CEP192: variants seen among roughly 807,000 people sequenced by gnomAD.
CEP192 encodes the protein centrosomal protein of 192 kDa.
In CEP192, 151 loss-of-function variants were observed where a neutral mutation model predicts 271.8. That is an observed-to-expected ratio of 0.56 (90% CI 0.49 to 0.64). The LOEUF (loss-of-function observed/expected upper bound fraction) is 0.64. Ranked by LOEUF, CEP192 falls within the 30% of genes least tolerant of loss-of-function variation. The probability of loss-of-function intolerance (pLI) is 0.00; values close to 1 mark genes in which losing one functional copy is unlikely to be tolerated. For missense variants in CEP192, 2,910 were observed against 3,020.5 expected (o/e 0.96, Z 0.86); for synonymous variants, 995 against 1,076.5 (o/e 0.92, Z 1.48).
At chr18:13,020,167 T>G (rs7237711) in intron 9 of CEP192, among the ~76,000 whole-genome samples, 56,225 of 152,018 alleles carry the variant, frequency 0.37, 10,618 homozygotes, top group Middle Eastern at 0.47. Flanking sequence ...ATTTACATTG[T>G]GCAGCCAATC....
In CEP192 at chr18:13,052,868, G is replaced by T. The variant is rs78930084; in HGVS notation, c.3018-51G>T. Reference sequence around the variant, plus strand: ...ATAGGAATGGTTTTTTGCTAATGTAGATAGTTGAAGGACTGGAGAACTCCA... The same window carrying T: ...ATAGGAATGGTTTTTTGCTAATGTATATAGTTGAAGGACTGGAGAACTCCA... On this transcript the variant is annotated intron_variant, in intron 17 of 44. Coordinates refer to ENST00000506447, the MANE Select transcript of CEP192 (RefSeq NM_032142.4). The T allele has an allele frequency of 2.6e-3, 3,694 of 1,405,212 alleles. 29 individuals are homozygous for T. The highest frequency in any genetic ancestry group is 0.021 in the African/African-American group (1,485 of 70,282). The allele number at this position is 1,405,212 out of a possible 1,614,324, so 87.0% of individuals were successfully genotyped here. A position where few individuals can be genotyped will look rare whatever the true frequency, so the allele number is the denominator to read the frequency against.
At chr18:13,008,724 G>T in intron 4 of CEP192, 93 bp downstream of exon 4, 1 of 955,448 alleles carries the variant, frequency 1.0e-6, no homozygotes, top group African/African-American at 1.7e-5. Context: ...TTTTTTTGAG[G>T]CAGGGTCGCA....
intron 1 of CEP192, 85 bp downstream of exon 1, chr18:12,991,522 C>T (rs17659749): frequency 0.35 from 53,921 of 152,292 alleles, 9,927 homozygotes; most frequent in Middle Eastern, 0.46. Context: ...GCTGCCGGAC[C>T]GACGGGACAG....
intron 11 of CEP192, among the ~76,000 whole-genome samples, chr18:13,032,277 G>C (rs77712381): frequency 6.6e-6 from 1 of 152,198 alleles, no homozygotes; most frequent in African/African-American, 2.4e-5. Context: ...AGAGAGGCAG[G>C]AAGAGAGGAG....
At position 13,042,279 on chromosome 18, in the gene CEP192, C is replaced by A; in HGVS notation, c.2012C>A (p.Thr671Asn). The A allele has an allele frequency of 6.2e-7, 1 of 1,613,914 alleles. No individual in the cohort carries two copies. The highest frequency in any genetic ancestry group is 8.5e-7 in the Non-Finnish European group (1 of 1,179,860). ...CTTCAGGTTGAAGCAGTAGAGAGTACTTCACAAGTGGATGAAAATGATGTG... is the reference window on the plus strand; with the variant it reads ...CTTCAGGTTGAAGCAGTAGAGAGTAATTCACAAGTGGATGAAAATGATGTG... Reference protein sequence around the residue: ...ITLQVEAVESTSQVDENDVTL... With the variant: ...ITLQVEAVESNSQVDENDVTL... The change falls in exon 15 of 45, where the codon ACT (threonine) becomes AAT (asparagine). Residue 671 changes from threonine (T) to asparagine (N), a missense_variant. Thr to Asn is a moderately conservative substitution (Grantham distance 65, BLOSUM62 0). Transcript: ENST00000506447.
chr18:13,030,150 C>T (rs2035534127), intron 10 of CEP192, 148 bp downstream of exon 10: 8 of 693,084 alleles, frequency 1.2e-5, no homozygotes, highest in Non-Finnish European at 1.9e-5. Context: ...TCTACTTGTA[C>T]AGGGAGGATT....
intron 32 of CEP192, among the ~76,000 whole-genome samples, 177 bp downstream of exon 32, chr18:13,087,823 C>G (rs1246078162): frequency 6.6e-6 from 1 of 152,056 alleles, no homozygotes; most frequent in Non-Finnish European, 1.5e-5. Flanking sequence ...GAAGAAATAC[C>G]CGTAGGAAAT....
chr18:13,063,579 A>G (rs536231506), intron 21 of CEP192, among the ~76,000 whole-genome samples: 1 of 152,154 alleles, frequency 6.6e-6, no homozygotes, highest in Non-Finnish European at 1.5e-5. Flanking sequence ...ATTTTTTCCC[A>G]TAGAGTTGTT....
At position 13,069,689 on chromosome 18, in the gene CEP192, T is replaced by A. The variant is rs766393374; in HGVS notation, c.5056-49T>A. The A allele has an allele frequency of 8.2e-6, 9 of 1,102,172 alleles. No homozygotes were observed. The Admixed American group carries it at 1.5e-4, about 18-fold the overall frequency. 68.3% of individuals were successfully genotyped at this position (1,102,172 alleles called of 1,614,324 possible). The stretch of plus-strand genomic sequence containing the variant: ...AAGGCAGGAGCCACTGAGCGAAAAC[T>A]GCGTTTTTGTAAGTCGGCATTCAAT... On this transcript the variant is annotated intron_variant, in intron 26 of 44. Coordinates refer to ENST00000506447, the MANE Select transcript of CEP192 (RefSeq NM_032142.4).
At chr18:13,057,490 G>T (rs1193436145) in intron 19 of CEP192, 95 bp from the exon 20 acceptor site, 15 of 1,377,330 alleles carry the variant, frequency 1.1e-5, no homozygotes, top group African/African-American at 1.4e-5. Context: ...GTGTAAACAG[G>T]CCATCTTATA....
At chr18:13,041,222 T>A (rs968836845) in intron 14 of CEP192, among the ~76,000 whole-genome samples, 1 of 152,216 alleles carries the variant, frequency 6.6e-6, no homozygotes, top group Admixed American at 6.5e-5. Context: ...TGTTGGCTAT[T>A]GAATTATTGA....
rs778831640 is a variant in CEP192 at position 13,056,648 on chromosome 18, G to T, written c.4058G>T (p.Gly1353Val). 1.2e-6 allele frequency: 2 copies of T among 1,613,256 alleles called. No individual in the cohort carries two copies. The highest frequency in any genetic ancestry group is 8.5e-7 in the Non-Finnish European group (1 of 1,179,570). ...AAACCTTTTCCTGTGCCGTCTGTTGGTACAAACTGTGGAATTGAACCATGG... is the reference window on the plus strand; with the variant it reads ...AAACCTTTTCCTGTGCCGTCTGTTGTTACAAACTGTGGAATTGAACCATGG... ...TTKPFPVPSV[G>V]TNCGIEPWDS... is the part of the protein sequence containing the mutation. The change falls in exon 19 of 45, where the codon GGT becomes GTT. Residue 1353 changes from glycine (G) to valine (V), a missense_variant. By Grantham distance (109) the Gly-to-Val change is moderately radical (BLOSUM62 -3). Transcript: ENST00000506447.
intron 44 of CEP192, among the ~76,000 whole-genome samples, chr18:13,123,288 A>G (rs2040759614): frequency 6.6e-6 from 1 of 152,174 alleles, no homozygotes; most frequent in South Asian, 2.1e-4. Flanking sequence ...GACATGGTAA[A>G]ACAAATGTAA....
Position 13,009,678 on chromosome 18 carries a change from C to A in CEP192, c.466+1047C>A, listed in dbSNP as rs143331140. Among the ~76,000 whole-genome samples, 1,160 of 152,188 alleles carry A rather than the reference C, an allele frequency of 7.6e-3. 17 individuals are homozygous for A. The highest frequency in any genetic ancestry group is 0.026 in the African/African-American group (1,088 of 41,504). On this transcript the variant is annotated intron_variant, in intron 4 of 44. Transcript: ENST00000506447. ...CGAAACCCTGTCTCTCCTAAAAATA[C>A]AAAAATTAGCCAGACATCATGGTGG...
At chr18:13,000,012 T>A (rs2068018246) in intron 2 of CEP192, among the ~76,000 whole-genome samples, 1 of 151,376 alleles carries the variant, frequency 6.6e-6, no homozygotes, top group Admixed American at 6.6e-5. Flanking sequence ...GGGACAGGAA[T>A]TGAGATTTAG....
chr18:13,071,296 G>C (rs1568372739), intron 28 of CEP192, 84 bp downstream of exon 28: 1 of 1,220,162 alleles, frequency 8.2e-7, no homozygotes, highest in Non-Finnish European at 1.1e-6. Flanking sequence ...GGAAAATTTT[G>C]TCATAATAGA....
Position 13,095,610 on chromosome 18 carries a change from T to C in CEP192, c.6362T>C (p.Leu2121Pro), listed in dbSNP as rs474337. Residue 2121 changes from leucine to proline, a missense_variant, in exon 35 of 45, where the codon CTG becomes CCG. By Grantham distance (98) the Leu-to-Pro change is moderately conservative (BLOSUM62 -3). Transcript: ENST00000506447. ...PLLSRAARPP[L>P]DQLASEEPWT... ...CTCTCACGGGCGGCTCGCCCGCCTCTGGATCAGCTGGCCTCCGAAGAGCCG... is the reference window on the plus strand; with the variant it reads ...CTCTCACGGGCGGCTCGCCCGCCTCCGGATCAGCTGGCCTCCGAAGAGCCG... 0.64 allele frequency: 1,035,595 copies of C among 1,613,776 alleles called. 337,480 individuals carry two copies. Among genetic ancestry groups the C allele is most frequent in the African/African-American group, 0.9 (67,154 of 75,032 alleles).
chr18:13,053,152 G>C, intron 18 of CEP192, 62 bp downstream of exon 18: 3 of 1,343,152 alleles, frequency 2.2e-6, no homozygotes, highest in Non-Finnish European at 2.0e-6. Flanking sequence ...GTTAACAGAT[G>C]TTTGATTCAG....
At chr18:13,004,084 A>G (rs555370794) in intron 3 of CEP192, among the ~76,000 whole-genome samples, 85 of 152,288 alleles carry the variant, frequency 5.6e-4, no homozygotes, top group Non-Finnish European at 1.0e-3. Flanking sequence ...CAAAGAATTG[A>G]CCCTTGGAAT....
Sources: gnomAD v4.1 joint callset for allele counts (sites outside exome capture counted in the v4.1 genomes callset) on GRCh38, gnomAD v4.1.1 for gene constraint, MANE v1.5 for transcripts, NCBI Gene and HGNC (gene_info 2026-07-23, HGNC 2026-07-21) for gene names.